Variants in DNAH1 observed in about 807,000 individuals in gnomAD.
The protein encoded by DNAH1 is dynein axonemal heavy chain 1.
In DNAH1, 327 loss-of-function variants were observed where a neutral mutation model predicts 484.3. The ratio of observed to expected loss-of-function variants is 0.68; its 90% CI spans 0.62 to 0.74. The LOEUF (loss-of-function observed/expected upper bound fraction) is 0.74. Ranked by LOEUF, DNAH1 falls within the 30% of genes least tolerant of loss-of-function variation. The pLI, the probability that DNAH1 is intolerant of heterozygous loss-of-function variation, is 0.00. For missense variants in DNAH1, 5,052 were observed against 5,546.8 expected (o/e 0.91, Z 2.83); for synonymous variants, 2,192 against 2,191.9 (o/e 1.00, Z 0.00).
At chr3:52,325,460 C>G (rs1477887481) in intron 3 of DNAH1, among the ~76,000 whole-genome samples, 19 of 152,188 alleles carry the variant, frequency 1.2e-4, no homozygotes, top group Admixed American at 1.2e-3. Context: ...ACCCCTCTCC[C>G]CACCTCTGTG....
In DNAH1 at chr3:52,351,952, T is replaced by C. The variant is rs1702400810; in HGVS notation, c.2730-10T>C. 1 of 1,598,052 alleles carries C rather than the reference T, an allele frequency of 6.3e-7. No individual in the cohort carries two copies. Among genetic ancestry groups the C allele is most frequent in the Non-Finnish European group, 8.5e-7 (1 of 1,172,680 alleles). ...ATATTTCTCCCAATCCCCACCCCCATCCCGGCCAGATGGATTGCCAGCAAC... is the reference window on the plus strand; with the variant it reads ...ATATTTCTCCCAATCCCCACCCCCACCCCGGCCAGATGGATTGCCAGCAAC... On this transcript the variant is annotated splice_polypyrimidine_tract_variant and intron_variant, in intron 16 of 77. Coordinates refer to ENST00000420323, the MANE Select transcript of DNAH1 (RefSeq NM_015512.5).
At position 52,349,207 on chromosome 3, in the gene DNAH1, G is replaced by A. The variant is rs1334735125; in HGVS notation, c.2313G>A (p.Thr771=). Residue 771 remains threonine, a synonymous_variant, in exon 14 of 78, where the codon ACG becomes ACA. Coordinates refer to ENST00000420323, the MANE Select transcript of DNAH1 (RefSeq NM_015512.5). The part of the protein sequence containing the change: ...DIASFLKTYQ[T]QGLLAQEVRE... ...TTGCTGTCCTCAGAACCTACCAGACGCAGGGCCTGTTGGCCCAGGAGGTGC... is the reference window on the plus strand; with the variant it reads ...TTGCTGTCCTCAGAACCTACCAGACACAGGGCCTGTTGGCCCAGGAGGTGC... 3.5e-5 allele frequency: 57 copies of A among 1,613,400 alleles called. No homozygotes were observed. In the East Asian group the frequency reaches 6.5e-4, roughly 18 times the overall value.
chr3:52,394,846 C>T (rs1012800094), intron 67 of DNAH1, 69 bp from the exon 68 acceptor site: 6 of 1,576,700 alleles, frequency 3.8e-6, no homozygotes, highest in African/African-American at 2.7e-5. Flanking sequence ...TCCGGCTGGC[C>T]GAATCCCTGG....
upstream of DNAH1, among the ~76,000 whole-genome samples, chr3:52,315,724 C>G (rs149442389): frequency 2.6e-5 from 4 of 152,336 alleles, no homozygotes; most frequent in African/African-American, 9.6e-5. Context: ...GGTCATGGCT[C>G]AGCCCCCTGC....
intron 34 of DNAH1, among the ~76,000 whole-genome samples, chr3:52,365,774 C>T (rs1703047577): frequency 6.6e-6 from 1 of 152,176 alleles, no homozygotes. Context: ...CCCCCAGGTG[C>T]CCTCCATTGT....
rs115818632 is a variant in DNAH1 at position 52,366,819 on chromosome 3, C to T, written c.5697C>T (p.Tyr1899=). 4,798 of 1,613,968 alleles carry T rather than the reference C, an allele frequency of 3.0e-3. 141 individuals are homozygous for T. In the African/African-American group the frequency reaches 0.055, roughly 19 times the overall value. Residue 1899 remains tyrosine (Y), a synonymous_variant, in exon 36 of 78, where the codon TAC becomes TAT. Transcript: ENST00000420323. ...SGGMYEAVNY[Y]VLNPKSITMG... ...GCATGTACGAGGCTGTCAACTACTA[C>T]GTGCTCAACCCCAAGTCCATCACGA...
upstream of DNAH1, among the ~76,000 whole-genome samples, chr3:52,312,751 C>T (rs891289747): frequency 1.3e-5 from 2 of 152,172 alleles, no homozygotes; most frequent in African/African-American, 2.4e-5. Flanking sequence ...CTCCCAGGTT[C>T]ACACCATTCT....
rs559530466 is a variant in DNAH1 at position 52,358,212 on chromosome 3, C to T, written c.4086+209C>T. On this transcript the variant is annotated intron_variant, in intron 24 of 77. Transcript: ENST00000420323. This position sits in a 1 kb window ranked among gnomAD's most constrained non-coding sequence, Gnocchi z 4.2. ...GGCCCTGGATTTCCAACTCACCAGG[C>T]GCTCCCTGTGCCCCCAGCACACTGC... 6.6e-5 allele frequency among the ~76,000 whole-genome samples: 10 copies of T among 152,338 alleles called. No individual in the cohort carries two copies. The highest frequency in any genetic ancestry group is 3.9e-4 in the Admixed American group (6 of 15,308).
chr3:52,394,073 G>C (rs994732889), intron 66 of DNAH1, among the ~76,000 whole-genome samples: 1 of 152,212 alleles, frequency 6.6e-6, no homozygotes, highest in African/African-American at 2.4e-5. Flanking sequence ...ACACCTGCTT[G>C]GCCAGGAACT....
In DNAH1 at chr3:52,357,999, C is replaced by T. The variant is rs768261170; in HGVS notation, c.4082C>T (p.Ala1361Val). 5 of 1,602,906 alleles carry T rather than the reference C, an allele frequency of 3.1e-6. No individual in the cohort carries two copies. The highest frequency in any genetic ancestry group is 2.2e-5 in the South Asian group (2 of 90,274). The change falls in exon 24 of 78, where the codon GCT (alanine) becomes GTT (valine). Residue 1361 changes from alanine to valine, a missense_variant. This residue lies in a region of DNAH1 where 2,929 missense variants were observed against 3,409.4 expected (regional missense o/e 0.86). Transcript: ENST00000420323. ...PHLRKCFENI[A>V]RLLFQEDLEI... ...CTGCGCAAGTGCTTCGAGAACATCG[C>T]TCGGGTGGGCAGCTGGGCCCGGGGC...
At chr3:52,330,362 A>G (rs1191983756) in intron 6 of DNAH1, among the ~76,000 whole-genome samples, 1 of 152,160 alleles carries the variant, frequency 6.6e-6, no homozygotes, top group African/African-American at 2.4e-5. Flanking sequence ...GAGGAACAGA[A>G]TGGGGTAACA....
Position 52,362,896 on chromosome 3 carries a change from CA to C in DNAH1, c.5095-98del, listed in dbSNP as rs1308288993. 1 of 1,523,986 alleles carries C rather than the reference CA, an allele frequency of 6.6e-7. No homozygotes were observed. Among genetic ancestry groups the C allele is most frequent in the African/African-American group, 1.4e-5 (1 of 73,510 alleles). 94.4% of individuals were successfully genotyped at this position (1,523,986 alleles called of 1,614,324 possible). A position where few individuals can be genotyped will look rare whatever the true frequency, so the allele number is the denominator to read the frequency against. On this transcript the variant is annotated intron_variant, in intron 31 of 77. Transcript: ENST00000420323. This position sits in a 1 kb window ranked among gnomAD's most constrained non-coding sequence, Gnocchi z 5.1. ...CTCAGCTGTGGCAGGCTTGGTGCAG[CA>C]GGGAGTCCCAGCGTGTTAGGGAGGA...
At chr3:52,367,016 A>T in intron 36 of DNAH1, 129 bp downstream of exon 36, 1 of 1,152,300 alleles carries the variant, frequency 8.7e-7, no homozygotes, top group East Asian at 2.5e-5. Context: ...TTGGGATTCT[A>T]TTCTCCATTC....
intron 27 of DNAH1, 114 bp downstream of exon 27, chr3:52,360,193 G>A: frequency 6.6e-7 from 1 of 1,523,662 alleles, no homozygotes; most frequent in Non-Finnish European, 9.0e-7. Context: ...TCTGGGACAA[G>A]CTGGGTATGG....
intron 44 of DNAH1, chr3:52,374,531 G>A: frequency 6.7e-7 from 1 of 1,493,618 alleles, no homozygotes; most frequent in Non-Finnish European, 9.3e-7. Flanking sequence ...TGAAGACCAT[G>A]GAGCCCCTCT....
At chr3:52,328,539 C>T (rs1271232907) in intron 6 of DNAH1, among the ~76,000 whole-genome samples, 1 of 152,262 alleles carries the variant, frequency 6.6e-6, no homozygotes, top group Non-Finnish European at 1.5e-5. Context: ...ACACACTCTC[C>T]TATTGTCACC....
intron 22 of DNAH1, 117 bp from the exon 23 acceptor site, chr3:52,357,497 C>T: frequency 7.4e-7 from 1 of 1,359,612 alleles, no homozygotes; most frequent in Non-Finnish European, 9.9e-7. Context: ...TTTTCTGCAT[C>T]TTCTTTCCCA....
At chr3:52,326,667 G>T in intron 4 of DNAH1, 68 bp from the exon 5 acceptor site, 5 of 1,527,578 alleles carry the variant, frequency 3.3e-6, no homozygotes, top group Non-Finnish European at 4.4e-6. Flanking sequence ...GTAGGCCCTT[G>T]TGGACACCCA....
At chr3:52,354,773 G>C (rs1702537621) in intron 20 of DNAH1, 70 bp from the exon 21 acceptor site, 2 of 1,513,232 alleles carry the variant, frequency 1.3e-6, no homozygotes, top group Non-Finnish European at 1.8e-6. Context: ...TGCTTCCCTG[G>C]GCAGGGCTGG....
Sources: allele counts gnomAD v4.1 joint callset (sites outside exome capture counted in the v4.1 genomes callset), GRCh38; gene constraint gnomAD v4.1.1; regional missense constraint gnomAD v4.1.1; non-coding constraint Gnocchi (gnomAD v3.1); transcripts MANE v1.5; gene names NCBI Gene and HGNC (gene_info 2026-07-23, HGNC 2026-07-21).